The following SPAG16 variants were observed in gnomAD, a reference collection of about 807,000 sequenced individuals.
SPAG16 encodes sperm-associated antigen 16 protein.
A neutral mutation model predicts 80.4 loss-of-function variants in SPAG16; 86 were observed. That is an observed-to-expected ratio of 1.07 (90% CI 0.90 to 1.28). SPAG16 has a LOEUF of 1.28. Ranked by LOEUF, SPAG16 falls within the 50% of genes most tolerant of loss-of-function variation. The probability of loss-of-function intolerance (pLI) is 0.00; values close to 1 mark genes in which losing one functional copy is unlikely to be tolerated. For missense variants in SPAG16, 870 were observed against 765.3 expected (o/e 1.14, Z -1.61); for synonymous variants, 294 against 265.9 (o/e 1.11, Z -1.03).
At chr2:213,960,653 C>T (rs1046046740) in intron 12 of SPAG16, among the ~76,000 whole-genome samples, 2 of 152,064 alleles carry the variant, frequency 1.3e-5, no homozygotes, top group Non-Finnish European at 2.9e-5. Context: ...CTGTTTTGAC[C>T]CTGCACCTTT....
At chr2:213,451,760 G>C (rs2071704896) in intron 9 of SPAG16, among the ~76,000 whole-genome samples, 1 of 152,184 alleles carries the variant, frequency 6.6e-6, no homozygotes, top group Non-Finnish European at 1.5e-5. Context: ...GACCGGGTGT[G>C]CCGTATGTTG....
intron 13 of SPAG16, among the ~76,000 whole-genome samples, chr2:214,098,180 T>C (rs1482946247): frequency 1.3e-5 from 2 of 152,040 alleles, no homozygotes; most frequent in African/African-American, 2.4e-5. Context: ...TACAATACAA[T>C]AAATAGTATA....
chr2:213,941,330 C>A (rs939317850), intron 12 of SPAG16, among the ~76,000 whole-genome samples: 1 of 152,024 alleles, frequency 6.6e-6, no homozygotes, highest in Non-Finnish European at 1.5e-5. Context: ...CTTTTTAATC[C>A]TTCTCTGGAG....
At chr2:214,391,984 G>A (rs1438482859) in intron 15 of SPAG16, among the ~76,000 whole-genome samples, 2 of 152,146 alleles carry the variant, frequency 1.3e-5, no homozygotes, top group Non-Finnish European at 2.9e-5. Context: ...CAGAGATTTG[G>A]ACCAAGAGAA....
intron 15 of SPAG16, among the ~76,000 whole-genome samples, chr2:214,360,961 A>G (rs984274118): frequency 9.9e-5 from 15 of 151,984 alleles, no homozygotes; most frequent in African/African-American, 3.6e-4. Flanking sequence ...AAAATCTACC[A>G]CAGCCTGGGA....
chr2:213,578,801 A>T (rs1452064362), intron 10 of SPAG16, among the ~76,000 whole-genome samples: 2 of 152,076 alleles, frequency 1.3e-5, no homozygotes, highest in Non-Finnish European at 2.9e-5. Context: ...AAAAAATATT[A>T]AGGTAACAAA....
intron 3 of SPAG16, among the ~76,000 whole-genome samples, chr2:213,300,020 G>A (rs1339033143): frequency 1.3e-5 from 2 of 151,962 alleles, no homozygotes; most frequent in Non-Finnish European, 2.9e-5. Context: ...GTGTATTTTT[G>A]CCATTTTTTT....
chr2:213,675,854 G>T (rs1328551139), intron 10 of SPAG16, among the ~76,000 whole-genome samples: 17 of 151,554 alleles, frequency 1.1e-4, no homozygotes, highest in Non-Finnish European at 2.2e-4. Context: ...GCTTAGGATT[G>T]ACTTGGTGAT....
At chr2:213,909,230 A>T (rs1383819179) in intron 11 of SPAG16, among the ~76,000 whole-genome samples, 1 of 152,164 alleles carries the variant, frequency 6.6e-6, no homozygotes, top group East Asian at 1.9e-4. Context: ...ATAAAAGAGG[A>T]TACAAAGAAA....
intron 15 of SPAG16, among the ~76,000 whole-genome samples, chr2:214,315,891 C>T (rs1433714098): frequency 3.9e-5 from 6 of 152,060 alleles, no homozygotes; most frequent in African/African-American, 7.2e-5. Flanking sequence ...TGGGGTGTTT[C>T]GATTTAGTTT....
chr2:213,445,715 C>G (rs192223368), intron 9 of SPAG16, among the ~76,000 whole-genome samples: 2 of 152,198 alleles, frequency 1.3e-5, no homozygotes, highest in East Asian at 3.9e-4. Context: ...CATCACTAAT[C>G]ATCAGATGAA....
intron 12 of SPAG16, among the ~76,000 whole-genome samples, chr2:214,009,157 C>T (rs1256671211): frequency 2.6e-5 from 4 of 152,078 alleles, no homozygotes; most frequent in African/African-American, 4.8e-5. Context: ...GCCATCTAGA[C>T]GTTCGCCCAA....
chr2:213,966,752 C>T (rs933383968), intron 12 of SPAG16, among the ~76,000 whole-genome samples: 2 of 152,052 alleles, frequency 1.3e-5, no homozygotes, highest in African/African-American at 4.8e-5. Flanking sequence ...TTACTAATTG[C>T]TTGGTGGCTG....
intron 10 of SPAG16, among the ~76,000 whole-genome samples, chr2:213,635,040 CT>C (rs112845992): frequency 0.025 from 3,622 of 142,252 alleles, 42 homozygotes; most frequent in African/African-American, 0.039. Flanking sequence ...CTTTTTCTTT[CT>C]TTTTTTTTTT....
At chr2:214,281,171 C>A in intron 15 of SPAG16, 1 of 337,064 alleles carries the variant, frequency 3.0e-6, no homozygotes, top group Admixed American at 3.3e-5. Flanking sequence ...GTACAATACG[C>A]TGCAGCGTAA....
intron 15 of SPAG16, among the ~76,000 whole-genome samples, chr2:214,351,715 C>CAAA (rs67714838): frequency 6.8e-6 from 1 of 146,812 alleles, no homozygotes; most frequent in South Asian, 2.1e-4. Flanking sequence ...AACAAACAAA[C>CAAA]AAACAAAAAA....
chr2:214,174,775 A>G (rs1287267266), intron 15 of SPAG16, among the ~76,000 whole-genome samples: 6 of 151,732 alleles, frequency 4.0e-5, no homozygotes, highest in Non-Finnish European at 7.4e-5. Flanking sequence ...GGGCATAAAC[A>G]TCTAGCCAGT....
At chr2:213,648,750 A>G (rs748071868) in intron 10 of SPAG16, among the ~76,000 whole-genome samples, 2 of 152,188 alleles carry the variant, frequency 1.3e-5, no homozygotes, top group African/African-American at 2.4e-5. Flanking sequence ...GCAGAAAAGA[A>G]TATCATATCC....
chr2:214,241,421 C>G (rs1689473809), intron 15 of SPAG16: 1 of 151,172 alleles, frequency 6.6e-6, no homozygotes, highest in Non-Finnish European at 1.5e-5. Flanking sequence ...CCTTTGCAGA[C>G]TTTAATGTTG....
Sources: gnomAD v4.1 joint callset for allele counts (sites outside exome capture counted in the v4.1 genomes callset) on GRCh38, gnomAD v4.1.1 for gene constraint, MANE v1.5 for transcripts, NCBI Gene and HGNC (gene_info 2026-07-23, HGNC 2026-07-21) for gene names.